The following TENM3 variants were observed in gnomAD, a reference collection of about 807,000 sequenced individuals.
The protein encoded by TENM3 is teneurin-3.
In TENM3, 63 loss-of-function variants were observed where a neutral mutation model predicts 255.1. That is an observed-to-expected ratio of 0.25 (90% CI 0.20 to 0.30). TENM3 has a LOEUF of 0.30. TENM3 is among the 10% of genes least tolerant of loss of function. The pLI is 1.00. For missense variants in TENM3, 2,929 were observed against 3,461.1 expected, an observed-to-expected ratio of 0.85 and a Z score of 3.86; for synonymous variants, 1,306 against 1,322.3, an observed-to-expected ratio of 0.99 and a Z score of 0.27.
Position 182,653,826 on chromosome 4 carries a change from T to G in TENM3, c.1044T>G (p.Phe348Leu). The G allele has an allele frequency of 6.2e-7, 1 of 1,613,160 alleles. No individual in the cohort carries two copies. Among genetic ancestry groups the G allele is most frequent in the Non-Finnish European group, 8.5e-7 (1 of 1,179,476 alleles). Residue 348 changes from phenylalanine (F) to leucine (L), a missense_variant, in exon 6 of 28, where the codon TTT (phenylalanine) becomes TTG (leucine). By Grantham distance (22) the Phe-to-Leu change is conservative (BLOSUM62 0). Around this residue, in one of 6 missense-constraint regions of TENM3, gnomAD observed 1,608 missense variants for 1,884.4 expected, o/e 0.85. Coordinates refer to ENST00000511685, the MANE Select transcript of TENM3 (RefSeq NM_001080477.4). ...TACAGCAGACTGAAAATGACACATT[T>G]GAGAATGGAAAAGTGAATTCTGATA... ...WQLQQTENDT[F>L]ENGKVNSDTM...
intron 3 of TENM3, among the ~76,000 whole-genome samples, chr4:182,482,298 A>G (rs1385439635): frequency 2.6e-5 from 4 of 152,186 alleles, no homozygotes; most frequent in Non-Finnish European, 4.4e-5. Context: ...TTCTTTCAAA[A>G]TAAGGATAAA....
the TENM3 span, among the ~76,000 whole-genome samples, chr4:182,129,159 A>G: frequency 6.6e-6 from 1 of 152,226 alleles, no homozygotes; most frequent in South Asian, 2.1e-4. Context: ...TTCACATAAT[A>G]TCATCTGAAA....
At chr4:182,572,256 G>T (rs1444483128) in intron 3 of TENM3, among the ~76,000 whole-genome samples, 1 of 152,136 alleles carries the variant, frequency 6.6e-6, no homozygotes, top group African/African-American at 2.4e-5. Flanking sequence ...TAGCAGAATT[G>T]CACACAACAG....
the TENM3 span, among the ~76,000 whole-genome samples, chr4:182,087,621 C>T: frequency 6.7e-6 from 1 of 150,306 alleles, no homozygotes; most frequent in Non-Finnish European, 1.5e-5. Flanking sequence ...CCCCACCTTA[C>T]TTCCTTTCAT....
chr4:182,133,628 C>A, the TENM3 span, among the ~76,000 whole-genome samples: 1 of 152,162 alleles, frequency 6.6e-6, no homozygotes, highest in South Asian at 2.1e-4. Context: ...CAGTTTATAA[C>A]ATTTATTTTA....
At chr4:182,087,831 A>G in the TENM3 span, among the ~76,000 whole-genome samples, 4 of 152,140 alleles carry the variant, frequency 2.6e-5, no homozygotes. Context: ...GGTACGTTAC[A>G]CTTCTTACAC....
chr4:182,364,682 G>A (rs1031898545), intron 3 of TENM3, among the ~76,000 whole-genome samples: 1 of 152,190 alleles, frequency 6.6e-6, no homozygotes, highest in African/African-American at 2.4e-5. Context: ...GCCTCCCATA[G>A]TGCTGGGGTT....
At chr4:182,740,230 G>A (rs933393139) in intron 18 of TENM3, among the ~76,000 whole-genome samples, 10 of 152,128 alleles carry the variant, frequency 6.6e-5, no homozygotes, top group Non-Finnish European at 1.2e-4. Context: ...TTTGCACCCC[G>A]AATTAAACAG....
the TENM3 span, among the ~76,000 whole-genome samples, chr4:181,728,125 G>A: frequency 6.6e-6 from 1 of 152,130 alleles, no homozygotes; most frequent in African/African-American, 2.4e-5. Context: ...AAAAACAGTT[G>A]AAAAGATGGT....
At chr4:181,935,015 T>C in the TENM3 span, among the ~76,000 whole-genome samples, 1 of 152,338 alleles carries the variant, frequency 6.6e-6, no homozygotes, top group Non-Finnish European at 1.5e-5. Context: ...ATCCAAGGAC[T>C]TCCTCTAATC....
the TENM3 span, among the ~76,000 whole-genome samples, chr4:182,019,037 A>G: frequency 2.6e-5 from 4 of 152,184 alleles, no homozygotes; most frequent in Non-Finnish European, 5.9e-5. Flanking sequence ...TCCATGAAAC[A>G]AGGTCCTGGC....
chr4:181,972,362 T>G, the TENM3 span, among the ~76,000 whole-genome samples: 1 of 145,720 alleles, frequency 6.9e-6, no homozygotes, highest in Non-Finnish European at 1.5e-5. Context: ...AAGGCTGCAG[T>G]GCAGTCAAGG....
chr4:182,022,605 C>A, the TENM3 span, among the ~76,000 whole-genome samples: 1 of 151,572 alleles, frequency 6.6e-6, no homozygotes, highest in Admixed American at 6.6e-5. Context: ...AAGAAAGATA[C>A]CCAGACTCTA....
At chr4:181,852,935 C>T in the TENM3 span, among the ~76,000 whole-genome samples, 9 of 152,196 alleles carry the variant, frequency 5.9e-5, no homozygotes, top group Admixed American at 3.3e-4. Flanking sequence ...AAGTGATAAA[C>T]GTTATGTGTA....
At chr4:181,831,613 C>T in the TENM3 span, among the ~76,000 whole-genome samples, 1 of 151,494 alleles carries the variant, frequency 6.6e-6, no homozygotes, top group Non-Finnish European at 1.5e-5. Flanking sequence ...GATCACTGAC[C>T]TTAATTTTCA....
chr4:182,538,631 C>T (rs1441577355), intron 3 of TENM3, among the ~76,000 whole-genome samples: 1 of 152,104 alleles, frequency 6.6e-6, no homozygotes, highest in African/African-American at 2.4e-5. Context: ...AGGATGTGAC[C>T]AGATTGCTAT....
chr4:182,141,537 G>C (rs1184594504), upstream of TENM3: 1 of 152,220 alleles, frequency 6.6e-6, no homozygotes, highest in Admixed American at 6.5e-5. Context: ...AAGCTGCCTG[G>C]ATTACAGGCG....
chr4:182,096,185 G>A, the TENM3 span, among the ~76,000 whole-genome samples: 27 of 150,636 alleles, frequency 1.8e-4, no homozygotes, highest in African/African-American at 6.1e-4. Context: ...TAATATCAAA[G>A]AAGCTATCAA....
At chr4:182,624,948 G>T (rs1402303554) in intron 4 of TENM3, among the ~76,000 whole-genome samples, 1 of 152,138 alleles carries the variant, frequency 6.6e-6, no homozygotes, top group African/African-American at 2.4e-5. Context: ...AGAGTAGAGG[G>T]AACAGGGCTT....
Sources: allele counts gnomAD v4.1 joint callset (sites outside exome capture counted in the v4.1 genomes callset), GRCh38; gene constraint gnomAD v4.1.1; regional missense constraint gnomAD v4.1.1; transcripts MANE v1.5; gene names NCBI Gene and HGNC (gene_info 2026-07-23, HGNC 2026-07-21).